Variants in IPCEF1 observed in about 807,000 individuals in gnomAD.
The protein encoded by IPCEF1 is interactor protein for cytohesin exchange factors 1.
IPCEF1 carries 31 observed loss-of-function variants against 50.9 expected under a neutral mutation model. That is an observed-to-expected ratio of 0.61 (90% CI 0.46 to 0.82). IPCEF1 has a LOEUF of 0.82. IPCEF1 is among the 40% of genes least tolerant of loss of function. The pLI, the probability that IPCEF1 is intolerant of heterozygous loss-of-function variation, is 0.00. For synonymous variants in IPCEF1, 181 were observed against 192.0 expected (o/e 0.94, Z 0.47); for missense variants, 458 against 514.0 (o/e 0.89, Z 1.05).
chr6:154,283,711 A>T (rs1333023927), intron 2 of IPCEF1, among the ~76,000 whole-genome samples: 1 of 152,252 alleles, frequency 6.6e-6, no homozygotes, highest in Non-Finnish European at 1.5e-5. Context: ...TAAAGAAACA[A>T]GAACATTGTT....
intron 10 of IPCEF1, among the ~76,000 whole-genome samples, chr6:154,180,016 A>G (rs1381879917): frequency 1.3e-5 from 2 of 152,204 alleles, no homozygotes; most frequent in Non-Finnish European, 2.9e-5. Context: ...TTTTTCATGC[A>G]ATGCTAGCCT....
intron 1 of IPCEF1, among the ~76,000 whole-genome samples, chr6:154,311,155 A>G (rs1474956740): frequency 6.6e-6 from 1 of 152,204 alleles, no homozygotes; most frequent in African/African-American, 2.4e-5. Context: ...TTAAAAATAA[A>G]TTAATAAAAA....
intron 11 of IPCEF1, among the ~76,000 whole-genome samples, chr6:154,163,249 A>G (rs1388952711): frequency 2.0e-5 from 3 of 152,096 alleles, no homozygotes; most frequent in Non-Finnish European, 4.4e-5. Flanking sequence ...ACTACATTAC[A>G]GCTACCTTGA....
At chr6:154,220,078 T>C (rs1778742100) in intron 7 of IPCEF1, among the ~76,000 whole-genome samples, 1 of 151,844 alleles carries the variant, frequency 6.6e-6, no homozygotes, top group Non-Finnish European at 1.5e-5. Context: ...TTCATGTTTC[T>C]AGAGCAAGAG....
chr6:154,192,575 AC>A (rs1158532875), intron 10 of IPCEF1, among the ~76,000 whole-genome samples: 1 of 152,170 alleles, frequency 6.6e-6, no homozygotes, highest in Non-Finnish European at 1.5e-5. Context: ...TAAACAAGCA[AC>A]CCAGAGAGTG....
At chr6:154,330,323 C>T (rs1783626327) in intron 1 of IPCEF1, among the ~76,000 whole-genome samples, 2 of 133,422 alleles carry the variant, frequency 1.5e-5, no homozygotes, top group South Asian at 4.8e-4. Flanking sequence ...CAATTATAGC[C>T]TCTTTTTTTT....
chr6:154,227,958 C>G (rs1779393941), intron 5 of IPCEF1, among the ~76,000 whole-genome samples: 1 of 144,952 alleles, frequency 6.9e-6, no homozygotes, highest in African/African-American at 2.6e-5. Context: ...TAATTTGTGT[C>G]AAAAAATGGT....
At chr6:154,210,122 A>G (rs1156880046) in intron 9 of IPCEF1, among the ~76,000 whole-genome samples, 4 of 152,164 alleles carry the variant, frequency 2.6e-5, no homozygotes, top group Non-Finnish European at 4.4e-5. Context: ...TAAGAAGGCA[A>G]TTTGGTTGCT....
In IPCEF1 at chr6:154,285,830, C is replaced by G. The variant is rs538448614; in HGVS notation, c.-18+3883G>C. Among the ~76,000 whole-genome samples, 4 of 152,166 alleles carry G rather than the reference C, an allele frequency of 2.6e-5. No homozygotes were observed. The South Asian group carries it at 8.3e-4, about 32-fold the overall frequency. ...CTTTATTAGAGGTGTGAGACCTGGC[C>G]CCACACGTTTCTGTACTGGAAAAAG... is the stretch of plus-strand genomic sequence containing the variant. On this transcript the variant is annotated intron_variant, in intron 2 of 11. Transcript: ENST00000367220.
At chr6:154,252,555 A>G (rs1781363730) in intron 3 of IPCEF1, among the ~76,000 whole-genome samples, 1 of 152,094 alleles carries the variant, frequency 6.6e-6, no homozygotes, top group African/African-American at 2.4e-5. Flanking sequence ...GGCACCTGTA[A>G]TCCCAGCTAC....
intron 1 of IPCEF1, among the ~76,000 whole-genome samples, chr6:154,320,839 T>C (rs1256253109): frequency 1.3e-5 from 2 of 152,146 alleles, no homozygotes; most frequent in Non-Finnish European, 2.9e-5. Flanking sequence ...AGACCTCACC[T>C]TTAAAAAATT....
Position 154,168,281 on chromosome 6 carries a change from C to T in IPCEF1, c.911-168G>A, listed in dbSNP as rs9479772. Among the ~76,000 whole-genome samples the T allele has an allele frequency of 0.43, 65,830 of 151,960 alleles. 14,599 individuals carry two copies. Among genetic ancestry groups the T allele is most frequent in the Middle Eastern group, 0.55 (161 of 294 alleles). On this transcript the variant is annotated intron_variant, in intron 10 of 11. Transcript: ENST00000367220. This position sits in a 1 kb window ranked among gnomAD's most constrained non-coding sequence, Gnocchi z 4.1. ...TTTGCTGTCTAAGCCACCCAGTTTG[C>T]GATACTTTGTTACTGCAGAGCCACG...
intron 1 of IPCEF1, among the ~76,000 whole-genome samples, chr6:154,335,150 AAAAAT>A (rs746387005): frequency 3.9e-5 from 6 of 152,062 alleles, no homozygotes; most frequent in African/African-American, 1.2e-4. Context: ...CTGTCTCTAC[AAAAAT>A]AAAATAAAAT....
chr6:154,225,155 A>C (rs1002419308), intron 5 of IPCEF1, among the ~76,000 whole-genome samples: 3 of 152,190 alleles, frequency 2.0e-5, no homozygotes, highest in Non-Finnish European at 2.9e-5. Context: ...CCCAAATCTG[A>C]AAATCCAACA....
intron 1 of IPCEF1, among the ~76,000 whole-genome samples, chr6:154,335,870 T>C (rs1783777656): frequency 6.6e-6 from 1 of 152,038 alleles, no homozygotes; most frequent in African/African-American, 2.4e-5. Context: ...GACATACAAA[T>C]GACCAATAGA....
At chr6:154,255,284 C>G (rs1161856773) in intron 3 of IPCEF1, among the ~76,000 whole-genome samples, 2 of 152,072 alleles carry the variant, frequency 1.3e-5, no homozygotes, top group Non-Finnish European at 2.9e-5. Context: ...ATTGTAATGC[C>G]TTTATTTTCA....
chr6:154,206,079 G>C (rs1777470345), intron 9 of IPCEF1, among the ~76,000 whole-genome samples: 2 of 152,094 alleles, frequency 1.3e-5, no homozygotes, highest in African/African-American at 4.8e-5. Context: ...CCCCATATTG[G>C]TAACAGTCCC....
At position 154,212,779 on chromosome 6, in the gene IPCEF1, A is replaced by T. The variant is rs1778069415; in HGVS notation, c.528T>A (p.Thr176=). The T allele has an allele frequency of 1.2e-6, 2 of 1,610,090 alleles. No individual in the cohort carries two copies. Among genetic ancestry groups the T allele is most frequent in the African/African-American group, 2.7e-5 (2 of 74,846 alleles). ...TTATGTCGGTACATACCAAAGACTG[A>T]GTCTGGGAAGCGTGAGGAGGGGGTG... ...ETPPPPHASQ[T]QSLTAQQASS... Residue 176 remains threonine, a synonymous_variant, in exon 9 of 12, where the codon ACT becomes ACA. Transcript: ENST00000367220.
chr6:154,186,494 T>C (rs1013046028), intron 10 of IPCEF1, among the ~76,000 whole-genome samples: 10 of 152,044 alleles, frequency 6.6e-5, no homozygotes, highest in Non-Finnish European at 1.2e-4. Context: ...TCGCCGCCTA[T>C]CCTCCTTTCG....
Sources: gnomAD v4.1 joint callset for allele counts (sites outside exome capture counted in the v4.1 genomes callset) on GRCh38, gnomAD v4.1.1 for gene constraint, Gnocchi (gnomAD v3.1) non-coding constraint, MANE v1.5 for transcripts, NCBI Gene and HGNC (gene_info 2026-07-23, HGNC 2026-07-21) for gene names.